Variants in NCKAP5 observed in about 807,000 individuals in gnomAD.
The protein encoded by NCKAP5 is NCK associated protein 5, also known as nck-associated protein 5.
In NCKAP5, 92 loss-of-function variants were observed where a neutral mutation model predicts 167.0. The observed-to-expected ratio is 0.55, with a 90% confidence interval of 0.47 to 0.66. NCKAP5 has a LOEUF of 0.66. NCKAP5 is among the 30% of genes least tolerant of loss of function. NCKAP5 has a pLI of 0.00. For missense variants in NCKAP5, 2,378 were observed against 2,315.0 expected (o/e 1.03, Z -0.56); for synonymous variants, 891 against 877.4 (o/e 1.02, Z -0.27).
chr2:133,619,658 C>T, the NCKAP5 span, among the ~76,000 whole-genome samples: 1 of 152,076 alleles, frequency 6.6e-6, no homozygotes, highest in Non-Finnish European at 1.5e-5. Flanking sequence ...AAAGAGAAAT[C>T]TAAAAATTTG....
At chr2:133,673,801 C>T in the NCKAP5 span, among the ~76,000 whole-genome samples, 2 of 152,156 alleles carry the variant, frequency 1.3e-5, no homozygotes, top group Admixed American at 1.3e-4. Flanking sequence ...GCTCAGGACG[C>T]TGCAATGTGA....
At chr2:133,400,696 A>G (rs1688041198) in intron 3 of NCKAP5, among the ~76,000 whole-genome samples, 1 of 152,132 alleles carries the variant, frequency 6.6e-6, no homozygotes, top group African/African-American at 2.4e-5. Flanking sequence ...TAAACTACCA[A>G]GTTTGTGGTA....
At chr2:133,590,732 C>T in the NCKAP5 span, among the ~76,000 whole-genome samples, 2 of 152,138 alleles carry the variant, frequency 1.3e-5, no homozygotes, top group African/African-American at 4.8e-5. Context: ...TATTATTGTT[C>T]ACAAGTGCCC....
At chr2:132,936,633 G>A (rs1696869634) in intron 8 of NCKAP5, among the ~76,000 whole-genome samples, 1 of 152,018 alleles carries the variant, frequency 6.6e-6, no homozygotes, top group South Asian at 2.1e-4. Context: ...TTTAGACTTG[G>A]AGAAAAATAT....
At chr2:132,795,352 A>T (rs960512239) in intron 12 of NCKAP5, among the ~76,000 whole-genome samples, 7 of 152,214 alleles carry the variant, frequency 4.6e-5, no homozygotes, top group Non-Finnish European at 8.8e-5. Flanking sequence ...CTATTGCAAC[A>T]TTATCTTAAT....
chr2:132,717,995 G>T (rs556886223), intron 19 of NCKAP5, among the ~76,000 whole-genome samples: 16 of 152,240 alleles, frequency 1.1e-4, no homozygotes, highest in Admixed American at 5.2e-4. Flanking sequence ...AAACCAAAAA[G>T]AACTAGGAAT....
chr2:132,801,535 G>A (rs188022437), intron 11 of NCKAP5, among the ~76,000 whole-genome samples: 4 of 152,218 alleles, frequency 2.6e-5, no homozygotes, highest in Non-Finnish European at 5.9e-5. Flanking sequence ...TCATAGGAAA[G>A]AGACCTGCTT....
chr2:132,748,390 C>T (rs1052930193), intron 16 of NCKAP5, among the ~76,000 whole-genome samples: 5 of 152,234 alleles, frequency 3.3e-5, no homozygotes, highest in Non-Finnish European at 5.9e-5. Flanking sequence ...GCCATGACCG[C>T]CTTCATCAGG....
chr2:133,368,176 A>G (rs934296710), intron 3 of NCKAP5, among the ~76,000 whole-genome samples: 4 of 152,276 alleles, frequency 2.6e-5, no homozygotes, highest in South Asian at 2.1e-4. Flanking sequence ...AGGACTATGT[A>G]TACTTTAATA....
intron 4 of NCKAP5, among the ~76,000 whole-genome samples, chr2:133,250,963 A>C (rs950568378): frequency 2.6e-5 from 4 of 152,038 alleles, no homozygotes; most frequent in Non-Finnish European, 4.4e-5. Context: ...CAAAAACAAG[A>C]AAAGAAAATA....
intron 11 of NCKAP5, among the ~76,000 whole-genome samples, chr2:132,806,762 T>A (rs1339599908): frequency 6.6e-6 from 1 of 152,202 alleles, no homozygotes; most frequent in Non-Finnish European, 1.5e-5. Flanking sequence ...TGTGCAAATT[T>A]CTTTAGTTTA....
At chr2:133,323,752 G>A (rs1392815870) in intron 3 of NCKAP5, among the ~76,000 whole-genome samples, 2 of 152,152 alleles carry the variant, frequency 1.3e-5, no homozygotes, top group Non-Finnish European at 2.9e-5. Flanking sequence ...CTGACAGAGA[G>A]GTAAATTGAA....
At chr2:132,716,563 C>A (rs1214164779) in intron 19 of NCKAP5, among the ~76,000 whole-genome samples, 1 of 151,844 alleles carries the variant, frequency 6.6e-6, no homozygotes, top group Non-Finnish European at 1.5e-5. Context: ...TGGGCTGCAA[C>A]ACATTTGAAC....
chr2:133,031,376 C>T (rs2078874049), intron 6 of NCKAP5, among the ~76,000 whole-genome samples: 1 of 152,156 alleles, frequency 6.6e-6, no homozygotes, highest in African/African-American at 2.4e-5. Flanking sequence ...CCAAACTCAG[C>T]TGCTGCCCAC....
intron 11 of NCKAP5, among the ~76,000 whole-genome samples, chr2:132,820,536 T>C (rs1292286709): frequency 5.3e-5 from 8 of 151,982 alleles, no homozygotes. Context: ...CCAGTGTTTT[T>C]TTTGTTTTTT....
At chr2:133,004,436 C>A (rs1440706827) in intron 6 of NCKAP5, among the ~76,000 whole-genome samples, 2 of 152,232 alleles carry the variant, frequency 1.3e-5, no homozygotes, top group African/African-American at 4.8e-5. Flanking sequence ...AATTTTACAG[C>A]TGGGCCTCTG....
chr2:132,773,027 A>T (rs559770913), intron 16 of NCKAP5, among the ~76,000 whole-genome samples: 6 of 152,338 alleles, frequency 3.9e-5, no homozygotes, highest in African/African-American at 1.4e-4. Context: ...TCCTACACCC[A>T]AATGTGACTT....
chr2:132,907,249 T>A (rs1694071520), intron 8 of NCKAP5, among the ~76,000 whole-genome samples: 1 of 152,218 alleles, frequency 6.6e-6, no homozygotes, highest in Non-Finnish European at 1.5e-5. Flanking sequence ...TAACCAAGGT[T>A]AGCCATTTTT....
At chr2:133,364,188 G>GC (rs1285593313) in intron 3 of NCKAP5, among the ~76,000 whole-genome samples, 1 of 152,130 alleles carries the variant, frequency 6.6e-6, no homozygotes, top group Non-Finnish European at 1.5e-5. Context: ...AAGTGGCAGA[G>GC]CTGGAATTCA....
Sources: allele counts gnomAD v4.1 joint callset (sites outside exome capture counted in the v4.1 genomes callset), GRCh38; gene constraint gnomAD v4.1.1; transcripts MANE v1.5; gene names NCBI Gene and HGNC (gene_info 2026-07-23, HGNC 2026-07-21).